CCDC149: variants seen among roughly 807,000 people sequenced by gnomAD.
The protein encoded by CCDC149 is coiled-coil domain containing 149.
CCDC149 carries 45 observed loss-of-function variants against 59.9 expected under a neutral mutation model. The ratio of observed to expected loss-of-function variants is 0.75; its 90% confidence interval spans 0.59 to 0.96. The LOEUF (loss-of-function observed/expected upper bound fraction) is 0.96. Ranked by LOEUF, CCDC149 falls within the 40% of genes least tolerant of loss-of-function variation. The probability of loss-of-function intolerance (pLI) is 0.00; values close to 1 mark genes in which losing one functional copy is unlikely to be tolerated. For synonymous variants in CCDC149, 245 were observed against 260.6 expected, an observed-to-expected ratio of 0.94 and a Z score of 0.58; for missense variants, 584 against 664.7, an observed-to-expected ratio of 0.88 and a Z score of 1.33.
Position 24,807,549 on chromosome 4 carries a change from G to A in CCDC149, c.*840C>T, listed in dbSNP as rs780229088. 1 of 152,170 alleles carries A rather than the reference G, an allele frequency of 6.6e-6. No homozygotes were observed. Among genetic ancestry groups the A allele is most frequent in the Non-Finnish European group, 1.5e-5 (1 of 68,048 alleles). 9.4% of individuals were successfully genotyped at this position (152,170 alleles called of 1,614,324 possible). ...AAACCTGAAATGGCCATACAATCCT[G>A]TATGTGAGACAGGCTGAATGCAGAG... On this transcript the variant is annotated 3_prime_UTR_variant, in exon 13 of 13. Transcript: ENST00000635206.
chr4:24,874,259 TG>T (rs776708296), intron 2 of CCDC149, among the ~76,000 whole-genome samples: 22,849 of 84,370 alleles, frequency 0.27, 3,681 homozygotes, highest in African/African-American at 0.34. Context: ...TTTTTTTTTT[TG>T]TTTTGTTTTT....
chr4:24,810,310 T>C (rs1249538609), intron 12 of CCDC149, among the ~76,000 whole-genome samples: 1 of 152,236 alleles, frequency 6.6e-6, no homozygotes, highest in Admixed American at 6.5e-5. Flanking sequence ...CCCTTTCTTT[T>C]ATAAATGGAA....
intron 1 of CCDC149, among the ~76,000 whole-genome samples, chr4:24,951,766 A>G (rs1011922920): frequency 3.9e-5 from 6 of 152,128 alleles, no homozygotes; most frequent in African/African-American, 1.5e-4. Context: ...AATGGTAAAC[A>G]GTAAAGCTCT....
At chr4:24,958,694 A>C (rs544398914) in intron 1 of CCDC149, among the ~76,000 whole-genome samples, 7 of 152,300 alleles carry the variant, frequency 4.6e-5, no homozygotes, top group Admixed American at 2.6e-4. Flanking sequence ...AGAATTAGTG[A>C]AGATCAAGGC....
intron 1 of CCDC149, among the ~76,000 whole-genome samples, chr4:24,969,986 A>C (rs569975233): frequency 6.0e-4 from 92 of 152,290 alleles, no homozygotes; most frequent in African/African-American, 2.2e-3. Context: ...TGTCTGTGCC[A>C]CCTATTATGA....
rs117780076 is a variant in CCDC149 at position 24,866,006 on chromosome 4, T to C, written c.264+7675A>G. Reference sequence around the variant, plus strand: ...ATTCAAAGTGATATAAAAAGAAACATCTCAAAGCACTTGAGATCTTTGAAG... The same window carrying C: ...ATTCAAAGTGATATAAAAAGAAACACCTCAAAGCACTTGAGATCTTTGAAG... On this transcript the variant is annotated intron_variant, in intron 3 of 12. Coordinates refer to ENST00000635206, the MANE Select transcript of CCDC149 (RefSeq NM_001330643.2). Among the ~76,000 whole-genome samples the C allele has an allele frequency of 2.2e-3, 334 of 152,196 alleles. 3 individuals carry two copies. The highest frequency in any genetic ancestry group is 0.018 in the Admixed American group (270 of 15,292).
chr4:24,934,806 G>A (rs1722693960), intron 1 of CCDC149, among the ~76,000 whole-genome samples: 1 of 152,204 alleles, frequency 6.6e-6, no homozygotes. Flanking sequence ...GGATTAATAA[G>A]AAGGTCAAAG....
At chr4:24,832,277 G>A (rs1296824806) in intron 8 of CCDC149, among the ~76,000 whole-genome samples, 1 of 152,180 alleles carries the variant, frequency 6.6e-6, no homozygotes, top group Non-Finnish European at 1.5e-5. Context: ...CAAGTAAAAT[G>A]AGTCACTTTA....
At chr4:24,864,843 C>T (rs1401022035) in intron 3 of CCDC149, among the ~76,000 whole-genome samples, 2 of 152,228 alleles carry the variant, frequency 1.3e-5, no homozygotes, top group East Asian at 1.9e-4. Flanking sequence ...ATCAAAAATA[C>T]AGTATTCACA....
intron 1 of CCDC149, among the ~76,000 whole-genome samples, chr4:24,941,891 G>C (rs1560264086): frequency 6.6e-6 from 1 of 152,148 alleles, no homozygotes; most frequent in Non-Finnish European, 1.5e-5. Context: ...CTCTGAAATT[G>C]AGGCAATAAT....
chr4:24,816,394 T>C (rs1356537422), intron 12 of CCDC149, among the ~76,000 whole-genome samples: 3 of 152,142 alleles, frequency 2.0e-5, no homozygotes, highest in African/African-American at 7.2e-5. Flanking sequence ...TAGACTTTTT[T>C]TTTAAATCCA....
At chr4:24,818,749 T>A (rs1370944074) in intron 12 of CCDC149, among the ~76,000 whole-genome samples, 1 of 152,124 alleles carries the variant, frequency 6.6e-6, no homozygotes, top group Non-Finnish European at 1.5e-5. Flanking sequence ...TCCTCCAGAG[T>A]AAACAACCCG....
In CCDC149 at chr4:24,855,537, T is replaced by C. The variant is rs1017912675; in HGVS notation, c.265-2358A>G. ...TTTCAGTGAGCTGAGATCATGCCAC[T>C]GAACTCCAGCCTGGGCAACAAAGAG... On this transcript the variant is annotated intron_variant, in intron 3 of 12. Transcript: ENST00000635206. Among the ~76,000 whole-genome samples, 35 of 139,882 alleles carry C rather than the reference T, an allele frequency of 2.5e-4. 1 individual carries two copies. Among genetic ancestry groups the C allele is most frequent in the African/African-American group, 7.6e-4 (28 of 36,656 alleles). The allele number at this position is 139,882 out of a possible 152,430, so 91.8% of individuals were successfully genotyped here.
chr4:24,839,020 T>TCACA, intron 4 of CCDC149, among the ~76,000 whole-genome samples: 3 of 111,214 alleles, frequency 2.7e-5, no homozygotes, highest in South Asian at 6.6e-4. Flanking sequence ...TCTCTCTCTC[T>TCACA]CTCTCTCTCA....
At chr4:24,813,228 G>A (rs1348131063) in intron 12 of CCDC149, among the ~76,000 whole-genome samples, 1 of 152,048 alleles carries the variant, frequency 6.6e-6, no homozygotes, top group African/African-American at 2.4e-5. Context: ...ACAGGAAGAA[G>A]GCCCTCCTGA....
intron 1 of CCDC149, among the ~76,000 whole-genome samples, chr4:24,930,192 A>T (rs1002235846): frequency 6.6e-6 from 1 of 152,198 alleles, no homozygotes; most frequent in Non-Finnish European, 1.5e-5. Context: ...TTAAATCTCC[A>T]TGCATGACCT....
intron 1 of CCDC149, among the ~76,000 whole-genome samples, chr4:24,924,460 A>T (rs937956145): frequency 1.4e-4 from 22 of 152,228 alleles, no homozygotes; most frequent in African/African-American, 5.1e-4. Flanking sequence ...TCCATGAAGC[A>T]TGAGGCCTCA....
At chr4:24,909,831 C>T (rs2109323792) in intron 1 of CCDC149, among the ~76,000 whole-genome samples, 1 of 152,302 alleles carries the variant, frequency 6.6e-6, no homozygotes, top group Non-Finnish European at 1.5e-5. Context: ...TGCCTGCTGC[C>T]ATCCATGTAA....
chr4:24,834,069 T>C (rs1192795750), intron 8 of CCDC149, among the ~76,000 whole-genome samples: 1 of 152,204 alleles, frequency 6.6e-6, no homozygotes, highest in African/African-American at 2.4e-5. Context: ...TTATAGAGTA[T>C]TGTAGTTTTC....
Sources: allele counts gnomAD v4.1 joint callset (sites outside exome capture counted in the v4.1 genomes callset), GRCh38; gene constraint gnomAD v4.1.1; transcripts MANE v1.5; gene names NCBI Gene and HGNC (gene_info 2026-07-23, HGNC 2026-07-21).